The following PALLD variants were observed in gnomAD, a reference collection of about 807,000 sequenced individuals.
The protein encoded by PALLD is palladin.
A neutral mutation model predicts 123.5 loss-of-function variants in PALLD; 61 were observed. The observed-to-expected ratio is 0.49, with a 90% CI of 0.40 to 0.61. The LOEUF (loss-of-function observed/expected upper bound fraction) is 0.61, where lower values mean the gene tolerates loss of function less well. Among genes scored for constraint, PALLD ranks in the 20% least tolerant of loss-of-function variants. The pLI is 0.00. For missense variants in PALLD, 1,273 were observed against 1,377.0 expected (o/e 0.92, Z 1.20); for synonymous variants, 465 against 496.4 (o/e 0.94, Z 0.84).
rs1746521143 is a variant in PALLD, at chr4:168,844,546, C to T, written c.1965-46376C>T. On this transcript the variant is annotated intron_variant, in intron 10 of 21. Transcript: ENST00000505667. The surrounding 1 kb of genome is among the most constrained non-coding windows in gnomAD (Gnocchi z 4.5). ...CTTTTCTCTCTCCAAGTCCCAGTCG[C>T]TCGTCAAAAACTGTGCCATCAGCGC... 6.6e-6 allele frequency: 1 copy of T among 152,178 alleles called. No homozygotes were observed. The highest frequency in any genetic ancestry group is 1.5e-5 in the Non-Finnish European group (1 of 68,042). 9.4% of individuals were successfully genotyped at this position (152,178 alleles called of 1,614,324 possible). A position where few individuals can be genotyped will look rare whatever the true frequency, so the allele number is the denominator to read the frequency against.
Position 168,926,581 on chromosome 4 carries a change from T to C in PALLD, c.*401T>C. Reference sequence around the variant, plus strand: ...ATAATGCTAATACAAATATACACATTGCACAGAAAATACACATTTACTGTC... The same window carrying C: ...ATAATGCTAATACAAATATACACATCGCACAGAAAATACACATTTACTGTC... On this transcript the variant is annotated 3_prime_UTR_variant, in exon 22 of 22. Transcript: ENST00000505667. 2.0e-6 allele frequency: 1 copy of C among 494,586 alleles called. No individual in the cohort carries two copies. The highest frequency in any genetic ancestry group is 3.6e-6 in the Non-Finnish European group (1 of 280,632). The allele number at this position is 494,586 out of a possible 1,614,324, so 30.6% of individuals were successfully genotyped here.
intron 2 of PALLD, among the ~76,000 whole-genome samples, chr4:168,587,112 C>T (rs59868250): frequency 6.6e-6 from 1 of 152,058 alleles, no homozygotes; most frequent in African/African-American, 2.4e-5. Context: ...CACCCCCCGA[C>T]GACAAAGAAT....
intron 1 of PALLD, among the ~76,000 whole-genome samples, chr4:168,502,913 G>C (rs1433789608): frequency 6.6e-6 from 1 of 152,126 alleles, no homozygotes; most frequent in Non-Finnish European, 1.5e-5. Flanking sequence ...CAAAAGAGCA[G>C]AATAACACTT....
At chr4:168,677,594 G>T (rs1390792887) in intron 3 of PALLD, among the ~76,000 whole-genome samples, 1 of 152,112 alleles carries the variant, frequency 6.6e-6, no homozygotes, top group Non-Finnish European at 1.5e-5. Flanking sequence ...TTGAGAGTGT[G>T]TGTGATAACT....
chr4:168,751,898 A>G (rs1731106298), intron 10 of PALLD, among the ~76,000 whole-genome samples: 1 of 152,204 alleles, frequency 6.6e-6, no homozygotes, highest in South Asian at 2.1e-4. Context: ...AAGGCTGGTC[A>G]TTTTCACAAA....
intron 8 of PALLD, among the ~76,000 whole-genome samples, chr4:168,707,866 T>C (rs1784374441): frequency 6.6e-6 from 1 of 152,208 alleles, no homozygotes; most frequent in Non-Finnish European, 1.5e-5. Flanking sequence ...ATAATTATCT[T>C]TATACTGGTA....
intron 3 of PALLD, among the ~76,000 whole-genome samples, chr4:168,669,703 A>C (rs72699827): frequency 0.098 from 14,898 of 152,258 alleles, 868 homozygotes; most frequent in Admixed American, 0.12. Context: ...CCTTTGGTAG[A>C]AAACATCTTG....
intron 2 of PALLD, among the ~76,000 whole-genome samples, chr4:168,652,505 C>T (rs1008726062): frequency 9.2e-5 from 14 of 151,894 alleles, no homozygotes; most frequent in Non-Finnish European, 8.8e-5. Context: ...ACTTTAAGTT[C>T]TAGGGTACAT....
chr4:168,606,764 C>T (rs763513509), intron 2 of PALLD, among the ~76,000 whole-genome samples: 7 of 152,062 alleles, frequency 4.6e-5, no homozygotes, highest in Non-Finnish European at 1.0e-4. Flanking sequence ...GCTGAACACC[C>T]CAGCAGTCTA....
chr4:168,884,404 T>A (rs1753056688), intron 10 of PALLD, among the ~76,000 whole-genome samples: 2 of 152,222 alleles, frequency 1.3e-5, no homozygotes, highest in Admixed American at 1.3e-4. Flanking sequence ...TCACAGGACC[T>A]CTGCACTGCC....
At chr4:168,885,733 A>C (rs984981909) in intron 10 of PALLD, among the ~76,000 whole-genome samples, 7 of 152,236 alleles carry the variant, frequency 4.6e-5, no homozygotes, top group African/African-American at 9.6e-5. Flanking sequence ...GTGGCCTAAC[A>C]GCAAACTCTA....
At chr4:168,877,788 A>G in intron 10 of PALLD, 1 of 1,213,800 alleles carries the variant, frequency 8.2e-7, no homozygotes, top group Non-Finnish European at 1.0e-6. Context: ...GGCGCTCGGC[A>G]GCCTCCGCCA....
At chr4:168,625,970 C>G (rs1775224793) in intron 2 of PALLD, among the ~76,000 whole-genome samples, 1 of 152,170 alleles carries the variant, frequency 6.6e-6, no homozygotes, top group African/African-American at 2.4e-5. Context: ...ACCCAAACAT[C>G]TACTGTTGGG....
intron 2 of PALLD, among the ~76,000 whole-genome samples, chr4:168,620,987 G>A (rs964368053): frequency 5.9e-5 from 9 of 152,198 alleles, no homozygotes; most frequent in Admixed American, 2.0e-4. Flanking sequence ...GAGAGCCTGT[G>A]CTGGCCCTCT....
chr4:168,738,269 G>A (rs1383439245), intron 10 of PALLD, among the ~76,000 whole-genome samples: 1 of 152,154 alleles, frequency 6.6e-6, no homozygotes, highest in Non-Finnish European at 1.5e-5. Flanking sequence ...TGGATTGGGT[G>A]GGGGTGGAGG....
chr4:168,503,868 G>T (rs1579996793), intron 1 of PALLD, among the ~76,000 whole-genome samples: 1 of 152,054 alleles, frequency 6.6e-6, no homozygotes, highest in South Asian at 2.1e-4. Flanking sequence ...CCTGCACATC[G>T]TGCTTTGGAA....
chr4:168,793,894 G>T (rs1476136396), intron 10 of PALLD, among the ~76,000 whole-genome samples: 2 of 152,146 alleles, frequency 1.3e-5, no homozygotes, highest in Non-Finnish European at 2.9e-5. Context: ...GTCTGGTTCA[G>T]TCATCTAAAC....
chr4:168,687,239 T>TTCCA (rs751927895), intron 6 of PALLD, among the ~76,000 whole-genome samples: 1 of 152,208 alleles, frequency 6.6e-6, no homozygotes, highest in Non-Finnish European at 1.5e-5. Flanking sequence ...GTTATAGTAT[T>TTCCA]TCCAGTTGGG....
intron 2 of PALLD, among the ~76,000 whole-genome samples, chr4:168,542,289 G>T (rs2149512457): frequency 6.6e-6 from 1 of 152,190 alleles, no homozygotes; most frequent in East Asian, 1.9e-4. Context: ...GGTGGGTTGT[G>T]CCTGTGGTCC....
Sources: gnomAD v4.1 joint callset for allele counts (sites outside exome capture counted in the v4.1 genomes callset) on GRCh38, gnomAD v4.1.1 for gene constraint, Gnocchi (gnomAD v3.1) non-coding constraint, MANE v1.5 for transcripts, NCBI Gene and HGNC (gene_info 2026-07-23, HGNC 2026-07-21) for gene names.